Variants in BUB1 observed in about 807,000 individuals in gnomAD.
The protein encoded by BUB1 is BUB1 mitotic checkpoint serine/threonine kinase.
BUB1 carries 84 observed loss-of-function variants against 135.2 expected under a neutral mutation model. That is an observed-to-expected ratio of 0.62 (90% CI 0.52 to 0.74). The LOEUF (loss-of-function observed/expected upper bound fraction) is 0.74. Ranked by LOEUF, BUB1 falls within the 30% of genes least tolerant of loss-of-function variation. The pLI, the probability that BUB1 is intolerant of heterozygous loss-of-function variation, is 0.00. For missense variants in BUB1, 1,162 were observed against 1,288.3 expected (o/e 0.90, Z 1.50); for synonymous variants, 403 against 434.4 (o/e 0.93, Z 0.90).
In BUB1 at chr2:110,655,872, T is replaced by C. The variant is rs367985585; in HGVS notation, c.1743A>G (p.Val581=). Residue 581 remains valine (V), a synonymous_variant, in exon 16 of 25, where the codon GTA becomes GTG. Coordinates refer to ENST00000302759, the MANE Select transcript of BUB1 (RefSeq NM_004336.5). ...HAEEFLDDST[V]WGIRCNKTLA... is the part of the protein sequence containing the mutation. ...GGGTTTTGTTGCAGCGAATACCCCA[T>C]ACAGTTGAGTCATCCAAAAACTCTT... The C allele has an allele frequency of 1.7e-5, 27 of 1,613,858 alleles. No individual in the cohort carries two copies. The African/African-American group carries it at 3.1e-4, about 18-fold the overall frequency.
chr2:110,641,807 C>A lies in BUB1; in HGVS notation c.2464-4G>T, dbSNP rs1337930705. The A allele has an allele frequency of 6.2e-7, 1 of 1,601,042 alleles. No individual in the cohort carries two copies. Among genetic ancestry groups the A allele is most frequent in the Admixed American group, 1.7e-5 (1 of 59,152 alleles). On this transcript the variant is annotated splice_region_variant and splice_polypyrimidine_tract_variant and intron_variant, in intron 20 of 24. Coordinates refer to ENST00000302759, the MANE Select transcript of BUB1 (RefSeq NM_004336.5). ...AGGGGTTGGCAGGCTTTTGGACCTG[C>A]AAATCAGGTATGTGAAATTCATATC...
chr2:110,673,387 T>C (rs1028459490), intron 3 of BUB1, among the ~76,000 whole-genome samples: 2 of 152,118 alleles, frequency 1.3e-5, no homozygotes, highest in East Asian at 1.9e-4. Flanking sequence ...GAACTCTGCT[T>C]TGTAGCCAGT....
chr2:110,659,951 A>C (rs1309515819), intron 11 of BUB1, 27 bp downstream of exon 11: 3 of 1,592,448 alleles, frequency 1.9e-6, no homozygotes, highest in Non-Finnish European at 2.6e-6. Flanking sequence ...TCTGGACAGA[A>C]ACACATTTAT....
At chr2:110,667,917 C>A in intron 6 of BUB1, 68 bp from the exon 7 acceptor site, 2 of 1,484,314 alleles carry the variant, frequency 1.3e-6, no homozygotes, top group South Asian at 1.2e-5. Flanking sequence ...AATTACTTCA[C>A]AAAACAATAT....
rs368563823 is a variant in BUB1 at position 110,655,767 on chromosome 2, C to T, written c.1848G>A (p.Val616=). 60 of 1,613,634 alleles carry T rather than the reference C, an allele frequency of 3.7e-5. No individual in the cohort carries two copies. Among genetic ancestry groups the T allele is most frequent in the Non-Finnish European group, 4.7e-5 (56 of 1,179,778 alleles). Reference sequence around the variant, plus strand: ...TATCTTCTAAAATGTGCACTGACTCCACTGGAAGCTTGTGGAATGGTGTAG... The same window carrying T: ...TATCTTCTAAAATGTGCACTGACTCTACTGGAAGCTTGTGGAATGGTGTAG... ...LASTPFHKLP[V]ESVHILEDKE... The change falls in exon 16 of 25, where the codon GTG becomes GTA. Residue 616 remains valine, a synonymous_variant. Transcript: ENST00000302759.
rs1426540608 is a variant in BUB1 at position 110,639,844 on chromosome 2, T to C, written c.2960A>G (p.Asp987Gly). 6.2e-7 allele frequency: 1 copy of C among 1,611,634 alleles called. No homozygotes were observed. The highest frequency in any genetic ancestry group is 1.7e-5 in the Admixed American group (1 of 59,994). ...LSNKPWNYQIDYFGVAATVYC... is the reference protein window; with the variant it reads ...LSNKPWNYQIGYFGVAATVYC... ...TACTGTTGCAGCAACCCCAAAGTAATCGATCTATGAAGAAGATAGAGGTAT... is the reference window on the plus strand; with the variant it reads ...TACTGTTGCAGCAACCCCAAAGTAACCGATCTATGAAGAAGATAGAGGTAT... Residue 987 changes from aspartate (D) to glycine (G), a missense_variant, in exon 24 of 25, where the codon GAT (aspartate) becomes GGT (glycine). Coordinates refer to ENST00000302759, the MANE Select transcript of BUB1 (RefSeq NM_004336.5).
intron 4 of BUB1, among the ~76,000 whole-genome samples, chr2:110,671,758 G>A (rs892348732): frequency 1.3e-5 from 2 of 152,124 alleles, no homozygotes; most frequent in Non-Finnish European, 2.9e-5. Context: ...TTGACGCAAA[G>A]CTGTATATGT....
Position 110,655,727 on chromosome 2 carries a change from T to A in BUB1, c.1876+12A>T. 1 of 1,607,872 alleles carries A rather than the reference T, an allele frequency of 6.2e-7. No homozygotes were observed. Among genetic ancestry groups the A allele is most frequent in the Non-Finnish European group, 8.5e-7 (1 of 1,175,282 alleles). ...TGGCAGAAGACAGACACTAAAACAG[T>A]GTAACACACACCTTTATCTTCTAAA... On this transcript the variant is annotated intron_variant, in intron 16 of 24. Transcript: ENST00000302759.
intron 15 of BUB1, among the ~76,000 whole-genome samples, chr2:110,656,493 A>G (rs1689937835): frequency 1.3e-5 from 2 of 152,128 alleles, no homozygotes; most frequent in South Asian, 2.1e-4. Context: ...GTCCCTACAC[A>G]GTTTGGGCTT....
At chr2:110,661,913 T>C in intron 9 of BUB1, 72 bp from the exon 10 acceptor site, 1 of 1,536,100 alleles carries the variant, frequency 6.5e-7, no homozygotes, top group Non-Finnish European at 8.8e-7. Flanking sequence ...AGGCATTACA[T>C]CTTCTCAAAG....
intron 23 of BUB1, among the ~76,000 whole-genome samples, chr2:110,640,115 A>C (rs964703868): frequency 6.6e-6 from 1 of 152,106 alleles, no homozygotes; most frequent in Admixed American, 6.5e-5. Flanking sequence ...GAGGACAAAC[A>C]CAACACTCTA....
In BUB1 at chr2:110,661,594, C is replaced by G. The variant is rs2104543091; in HGVS notation, c.1205G>C (p.Ser402Thr). 4 of 1,614,032 alleles carry G rather than the reference C, an allele frequency of 2.5e-6. No individual in the cohort carries two copies. In the East Asian group the frequency reaches 8.9e-5, roughly 36 times the overall value. The change falls in exon 10 of 25, where the codon AGC becomes ACC. Residue 402 changes from serine (S) to threonine (T), a missense_variant. Physicochemically the swap from Ser to Thr is moderately conservative, Grantham distance 58 (BLOSUM62 1). Coordinates refer to ENST00000302759, the MANE Select transcript of BUB1 (RefSeq NM_004336.5). ...ACCTTCAGCTTACCCAGCATCTTTG[C>G]TGGCCACTGCAAACATGGAGTCTGT... is the stretch of plus-strand genomic sequence containing the variant. ...TVTDSMFAVA[S>T]KDAGCVNKST...
At chr2:110,658,770 G>T in intron 11 of BUB1, 28 bp from the exon 12 acceptor site, 1 of 1,613,082 alleles carries the variant, frequency 6.2e-7, no homozygotes, top group South Asian at 1.1e-5. Context: ...ACAAAATGTG[G>T]TATCAGTAGG....
intron 19 of BUB1, 37 bp from the exon 20 acceptor site, chr2:110,642,271 CT>C: frequency 2.2e-6 from 3 of 1,364,930 alleles, no homozygotes; most frequent in South Asian, 1.3e-5. Flanking sequence ...TTATGTACGC[CT>C]TTTATTTTAA....
intron 4 of BUB1, among the ~76,000 whole-genome samples, chr2:110,672,253 C>T (rs1690444184): frequency 6.6e-6 from 1 of 152,088 alleles, no homozygotes; most frequent in African/African-American, 2.4e-5. Context: ...TATCATGGTG[C>T]TGTTTATAAA....
chr2:110,672,621 A>T, intron 4 of BUB1, 40 bp downstream of exon 4: 1 of 1,514,650 alleles, frequency 6.6e-7, no homozygotes. Context: ...ATTACTTTTC[A>T]AAGTCAGAAT....
chr2:110,677,823 C>G, intron 1 of BUB1, 147 bp downstream of exon 1: 1 of 928,928 alleles, frequency 1.1e-6, no homozygotes, highest in South Asian at 1.8e-5. Flanking sequence ...GGCTCTCAAG[C>G]AGCCCACGGC....
At chr2:110,658,259 G>A (rs976707432) in intron 13 of BUB1, 151 bp downstream of exon 13, 2 of 585,740 alleles carry the variant, frequency 3.4e-6, no homozygotes, top group Non-Finnish European at 5.8e-6. Flanking sequence ...TGAGTACCTT[G>A]TCAAGAACTG....
At position 110,650,208 on chromosome 2, in the gene BUB1, G is replaced by A. The variant is rs539865572; in HGVS notation, c.2203+338C>T. On this transcript the variant is annotated intron_variant, in intron 18 of 24. Transcript: ENST00000302759. ...GTTTATGTGTAACAAGGGGGTGGGC[G>A]GGGGGGGGTGTCTCTTTAACCTTCA... Among the ~76,000 whole-genome samples the A allele has an allele frequency of 6.4e-3, 800 of 124,224 alleles. 4 individuals are homozygous for A. The highest frequency in any genetic ancestry group is 8.7e-3 in the Non-Finnish European group (535 of 61,446). The allele number at this position is 124,224 out of a possible 152,430, so 81.5% of individuals were successfully genotyped here. A position where few individuals can be genotyped will look rare whatever the true frequency, so the allele number is the denominator to read the frequency against.
Sources: allele counts gnomAD v4.1 joint callset (sites outside exome capture counted in the v4.1 genomes callset), GRCh38; gene constraint gnomAD v4.1.1; transcripts MANE v1.5; gene names NCBI Gene and HGNC (gene_info 2026-07-23, HGNC 2026-07-21).